The following SLC44A5 variants were observed in gnomAD, a reference collection of about 807,000 sequenced individuals.
SLC44A5 encodes the protein solute carrier family 44 member 5.
In SLC44A5, 57 loss-of-function variants were observed where a neutral mutation model predicts 101.8. That is an observed-to-expected ratio of 0.56 (90% CI 0.45 to 0.70). SLC44A5 has a LOEUF of 0.70. Among genes scored for constraint, SLC44A5 ranks in the 30% least tolerant of loss-of-function variants. The pLI, the probability that SLC44A5 is intolerant of heterozygous loss-of-function variation, is 0.00. For synonymous variants in SLC44A5, 281 were observed against 290.9 expected (o/e 0.97, Z 0.35); for missense variants, 737 against 853.1 (o/e 0.86, Z 1.70).
intron 3 of SLC44A5, among the ~76,000 whole-genome samples, chr1:75,352,840 T>G: frequency 6.6e-6 from 1 of 152,184 alleles, no homozygotes; most frequent in East Asian, 1.9e-4. Context: ...AGCCAAAAAT[T>G]TAAAACAATC....
At chr1:75,723,337 C>T in the SLC44A5 span, among the ~76,000 whole-genome samples, 1 of 152,102 alleles carries the variant, frequency 6.6e-6, no homozygotes, top group Non-Finnish European at 1.5e-5. Context: ...ATCAGTAAGG[C>T]TTTTCTTTTT....
intron 2 of SLC44A5, among the ~76,000 whole-genome samples, chr1:75,416,891 C>T (rs1412738431): frequency 2.6e-5 from 4 of 152,148 alleles, no homozygotes; most frequent in African/African-American, 9.7e-5. Flanking sequence ...TGCCTGTACC[C>T]CCATTGTATC....
intron 2 of SLC44A5, among the ~76,000 whole-genome samples, chr1:75,426,393 A>G (rs1664307560): frequency 6.6e-6 from 1 of 152,178 alleles, no homozygotes; most frequent in Admixed American, 6.5e-5. Flanking sequence ...ACTGTTTCCA[A>G]GCACCAGTTC....
intron 3 of SLC44A5, among the ~76,000 whole-genome samples, chr1:75,364,942 T>G (rs1659754349): frequency 6.6e-6 from 1 of 152,124 alleles, no homozygotes; most frequent in Non-Finnish European, 1.5e-5. Flanking sequence ...TTATAATTAT[T>G]TCTATTTTTG....
intron 3 of SLC44A5, among the ~76,000 whole-genome samples, chr1:75,352,715 T>C (rs995261163): frequency 1.3e-5 from 2 of 152,156 alleles, no homozygotes; most frequent in African/African-American, 4.8e-5. Context: ...TCAAAAAGTT[T>C]GGCATGATCT....
the SLC44A5 span, among the ~76,000 whole-genome samples, chr1:75,624,530 C>A: frequency 2.6e-5 from 4 of 152,168 alleles, no homozygotes; most frequent in Admixed American, 2.6e-4. Flanking sequence ...TCTGTACCCT[C>A]TTCTCTCCCA....
At chr1:75,702,250 T>G in the SLC44A5 span, among the ~76,000 whole-genome samples, 3 of 152,182 alleles carry the variant, frequency 2.0e-5, no homozygotes, top group Non-Finnish European at 4.4e-5. Flanking sequence ...GCTACCTGAC[T>G]TCAAACTATA....
rs563073020 is a variant in SLC44A5 at position 75,316,980 on chromosome 1, G to A, written c.102-16295C>T. On this transcript the variant is annotated intron_variant, in intron 4 of 23. Coordinates refer to ENST00000370859, the MANE Select transcript of SLC44A5 (RefSeq NM_001130058.2). ...CAATCAGAGGGCAAATCATTTCTAG[G>A]CAATATCAGATTGTTTTTGATAACA... Among the ~76,000 whole-genome samples the A allele has an allele frequency of 9.5e-4, 145 of 152,262 alleles. 1 individual carries two copies. Among genetic ancestry groups the A allele is most frequent in the African/African-American group, 3.4e-3 (141 of 41,550 alleles).
At chr1:75,553,643 T>C (rs1246766996) in intron 1 of SLC44A5, among the ~76,000 whole-genome samples, 1 of 152,138 alleles carries the variant, frequency 6.6e-6, no homozygotes, top group Non-Finnish European at 1.5e-5. Context: ...CCATGTTGAG[T>C]TGACTGGTCA....
chr1:75,673,326 C>T, the SLC44A5 span, among the ~76,000 whole-genome samples: 3 of 151,780 alleles, frequency 2.0e-5, no homozygotes, highest in Non-Finnish European at 4.4e-5. Context: ...ACAAGGAAAA[C>T]TCTGCTTGAG....
chr1:75,660,387 G>GA, the SLC44A5 span, among the ~76,000 whole-genome samples: 1 of 151,998 alleles, frequency 6.6e-6, no homozygotes, highest in Non-Finnish European at 1.5e-5. Context: ...TACTGACCGG[G>GA]AAAAAATTGA....
chr1:75,288,233 C>T (rs968809102), intron 5 of SLC44A5, among the ~76,000 whole-genome samples: 2 of 152,128 alleles, frequency 1.3e-5, no homozygotes, highest in African/African-American at 4.8e-5. Flanking sequence ...GCTACACTTT[C>T]TAGGATTTTG....
At chr1:75,704,332 A>G in the SLC44A5 span, among the ~76,000 whole-genome samples, 7 of 152,002 alleles carry the variant, frequency 4.6e-5, no homozygotes, top group Non-Finnish European at 8.8e-5. Flanking sequence ...ACAACAGGAA[A>G]ATAAAGCTCG....
the SLC44A5 span, among the ~76,000 whole-genome samples, chr1:75,672,116 CTTTG>C: frequency 6.6e-6 from 1 of 152,088 alleles, no homozygotes; most frequent in African/African-American, 2.4e-5. Flanking sequence ...CTTTTTGTTT[CTTTG>C]TTTGTTTGCC....
At chr1:75,619,085 G>GGC in the SLC44A5 span, among the ~76,000 whole-genome samples, 1 of 82,846 alleles carries the variant, frequency 1.2e-5, no homozygotes, top group African/African-American at 4.9e-5. Context: ...AAAAAGGGGG[G>GGC]GGGGAAGGAA....
At chr1:75,603,518 A>AAGTGGTAGTT (rs1289272244) in intron 1 of SLC44A5, among the ~76,000 whole-genome samples, 7 of 151,992 alleles carry the variant, frequency 4.6e-5, no homozygotes, top group Non-Finnish European at 8.8e-5. Flanking sequence ...TTGCTGGGTC[A>AAGTGGTAGTT]AGTGGTAGTT....
At chr1:75,329,748 CTTTTCAGCCATA>C (rs1316085304) in intron 4 of SLC44A5, among the ~76,000 whole-genome samples, 21 of 152,252 alleles carry the variant, frequency 1.4e-4, no homozygotes, top group Admixed American at 7.2e-4. Flanking sequence ...GGCCCCTTCA[CTTTTCAGCCATA>C]TGTTTTATTT....
chr1:75,330,246 C>A (rs1011379078), intron 4 of SLC44A5, among the ~76,000 whole-genome samples: 3 of 150,982 alleles, frequency 2.0e-5, no homozygotes, highest in African/African-American at 7.3e-5. Context: ...CTTCCCCATT[C>A]CCAAAATGTG....
intron 1 of SLC44A5, among the ~76,000 whole-genome samples, chr1:75,558,954 G>A (rs983701188): frequency 6.6e-6 from 1 of 152,050 alleles, no homozygotes; most frequent in Non-Finnish European, 1.5e-5. Context: ...AATGCTTCTT[G>A]ACCATCTGCC....
Sources: gnomAD v4.1 joint callset for allele counts (sites outside exome capture counted in the v4.1 genomes callset) on GRCh38, gnomAD v4.1.1 for gene constraint, MANE v1.5 for transcripts, NCBI Gene and HGNC (gene_info 2026-07-23, HGNC 2026-07-21) for gene names.